The following CDC14B variants were observed in gnomAD, a reference collection of about 807,000 sequenced individuals.
CDC14B encodes cell division cycle 14B.
Under a neutral mutation model 64.2 loss-of-function variants are expected in CDC14B, and 22 were observed. That is an observed-to-expected ratio of 0.34 (90% confidence interval 0.24 to 0.49). The LOEUF is 0.49. CDC14B is among the 20% of genes least tolerant of loss of function. The probability of loss-of-function intolerance (pLI) is 0.99; values close to 1 mark genes in which losing one functional copy is unlikely to be tolerated. For synonymous variants in CDC14B, 191 were observed against 215.8 expected (o/e 0.89, Z 1.01); for missense variants, 498 against 629.9 (o/e 0.79, Z 2.24).
intron 12 of CDC14B, among the ~76,000 whole-genome samples, chr9:96,513,709 C>T (rs1835226389): frequency 6.6e-6 from 1 of 152,220 alleles, no homozygotes; most frequent in Non-Finnish European, 1.5e-5. Context: ...ACTATGTATA[C>T]TGGCTGTCCA....
intron 4 of CDC14B, among the ~76,000 whole-genome samples, chr9:96,554,937 C>T (rs1402140796): frequency 1.3e-5 from 2 of 152,208 alleles, no homozygotes; most frequent in African/African-American, 4.8e-5. Context: ...TATGATCTAT[C>T]ACCGTGCTTC....
chr9:96,558,540 ACTT>A (rs889957046), intron 4 of CDC14B, among the ~76,000 whole-genome samples: 2 of 152,178 alleles, frequency 1.3e-5, no homozygotes, highest in African/African-American at 4.8e-5. Context: ...AAATATAAAA[ACTT>A]CTTTTTAAAA....
Position 96,619,314 on chromosome 9 carries a change from G to T in CDC14B, c.65C>A (p.Ser22Ter). 7.7e-7 allele frequency: 1 copy of T among 1,305,916 alleles called. No homozygotes were observed. The highest frequency in any genetic ancestry group is 9.8e-7 in the Non-Finnish European group (1 of 1,024,138). 80.9% of individuals were successfully genotyped at this position (1,305,916 alleles called of 1,614,324 possible). A position where few individuals can be genotyped will look rare whatever the true frequency, so the allele number is the denominator to read the frequency against. ...AAAPPCSRRCSSTSPGVKKIR... is the reference protein window; with the variant it reads ...AAAPPCSRRC ...CTTCTTCACACCCGGCGAGGTCGAC[G>T]AGCAGCGCCGCGAGCAGGGGGGCGC... The change falls in exon 1 of 14, where the codon TCG becomes TAG. Residue 22 changes from serine (S) to a stop codon, truncating the protein, a stop_gained. Coordinates refer to ENST00000375241, the MANE Select transcript of CDC14B (RefSeq NM_033331.4). LOFTEE classifies it high-confidence loss of function.
chr9:96,493,345 T>C, intron 13 of CDC14B: 1 of 152,436 alleles, frequency 6.6e-6, no homozygotes, highest in Non-Finnish European at 1.5e-5. Flanking sequence ...GTGAACAGCC[T>C]TCCCTGAACC....
At chr9:96,523,156 C>T in intron 11 of CDC14B, 105 bp downstream of exon 11, 1 of 1,231,980 alleles carries the variant, frequency 8.1e-7, no homozygotes, top group Non-Finnish European at 1.1e-6. Flanking sequence ...TGACAATCAT[C>T]CAAGAGCTGC....
chr9:96,499,180 T>G (rs1198928799), downstream of CDC14B, among the ~76,000 whole-genome samples: 1 of 152,080 alleles, frequency 6.6e-6, no homozygotes, highest in East Asian at 1.9e-4. Context: ...AAATGAACAC[T>G]CTGGGGGGTC....
Position 96,550,935 on chromosome 9 carries a change from C to T in CDC14B, c.497+861G>A, listed in dbSNP as rs149223327. ...AGTGGTACTGCATTAGCAACCTTAT[C>T]GACTGTCTCTACTGACTGTGTCCCC... On this transcript the variant is annotated intron_variant, in intron 5 of 13. Transcript: ENST00000375241. Among the ~76,000 whole-genome samples the T allele has an allele frequency of 4.9e-3, 744 of 152,156 alleles. 3 individuals are homozygous for T. The highest frequency in any genetic ancestry group is 0.019 in the South Asian group (91 of 4,820).
At chr9:96,497,225 C>T (rs962277360), downstream of CDC14B, among the ~76,000 whole-genome samples, 4 of 152,176 alleles carry the variant, frequency 2.6e-5, no homozygotes, top group African/African-American at 7.2e-5. Context: ...ACCCAGCACG[C>T]GTCGTCCAGA....
intron 1 of CDC14B, among the ~76,000 whole-genome samples, chr9:96,600,891 A>T (rs973461018): frequency 3.9e-5 from 6 of 152,288 alleles, no homozygotes; most frequent in African/African-American, 1.4e-4. Context: ...TTCTCTACCC[A>T]ATGTTATGCA....
Position 96,533,959 on chromosome 9 carries a change from T to G in CDC14B, c.914A>C (p.Asn305Thr). ...ATGTACTGCAATGGCACCCTCAGCA[T>G]TTTCACAGATATCTAGGAATTCTTT... Reference protein sequence around the residue: ...IVKEFLDICENAEGAIAVHCK... With the variant: ...IVKEFLDICETAEGAIAVHCK... Residue 305 changes from asparagine to threonine, a missense_variant, in exon 9 of 14, where the codon AAT becomes ACT. By Grantham distance (65) the Asn-to-Thr change is moderately conservative. Coordinates refer to ENST00000375241, the MANE Select transcript of CDC14B (RefSeq NM_033331.4). The G allele has an allele frequency of 6.2e-7, 1 of 1,612,740 alleles. No individual in the cohort carries two copies. The highest frequency in any genetic ancestry group is 1.3e-5 in the African/African-American group (1 of 75,056).
rs577337652 is a variant in CDC14B at position 96,500,154 on chromosome 9, T to C, written c.*3599A>G. On this transcript the variant is annotated 3_prime_UTR_variant, in exon 14 of 14. Coordinates refer to ENST00000375241, the MANE Select transcript of CDC14B (RefSeq NM_033331.4). ...AATTACATGATTGTAATTATACAATTTCCACTATTCGATATTTTGTATAAA... is the reference window on the plus strand; with the variant it reads ...AATTACATGATTGTAATTATACAATCTCCACTATTCGATATTTTGTATAAA... 8 of 152,786 alleles carry C rather than the reference T, an allele frequency of 5.2e-5. No individual in the cohort carries two copies. The highest frequency in any genetic ancestry group is 1.9e-4 in the African/African-American group (8 of 41,588). 9.5% of individuals were successfully genotyped at this position (152,786 alleles called of 1,614,324 possible).
intron 4 of CDC14B, among the ~76,000 whole-genome samples, chr9:96,560,449 C>CA (rs1338124477): frequency 6.6e-6 from 1 of 152,120 alleles, no homozygotes; most frequent in Non-Finnish European, 1.5e-5. Flanking sequence ...ATAAAGTTGT[C>CA]ATGATTTATG....
At chr9:96,506,061 G>A (rs1020298410) in intron 13 of CDC14B, among the ~76,000 whole-genome samples, 2 of 152,160 alleles carry the variant, frequency 1.3e-5, no homozygotes, top group South Asian at 4.1e-4. Context: ...CTTCATCCTG[G>A]ATGCCAAGGA....
chr9:96,596,292 G>A (rs1174523012), intron 1 of CDC14B, among the ~76,000 whole-genome samples: 2 of 150,052 alleles, frequency 1.3e-5, no homozygotes, highest in Non-Finnish European at 2.9e-5. Context: ...AACCCGGGAG[G>A]CAGAGGTCAT....
intron 12 of CDC14B, among the ~76,000 whole-genome samples, chr9:96,519,160 T>C (rs1402887081): frequency 1.3e-5 from 2 of 151,884 alleles, no homozygotes; most frequent in Non-Finnish European, 2.9e-5. Flanking sequence ...AAAATAAAAA[T>C]AAAAAAAGAA....
intron 9 of CDC14B, among the ~76,000 whole-genome samples, chr9:96,527,200 C>A (rs1228427892): frequency 6.6e-6 from 1 of 151,850 alleles, no homozygotes; most frequent in Non-Finnish European, 1.5e-5. Context: ...GAGATCAAGA[C>A]CATCCTGGCT....
chr9:96,494,748 TCC>T (rs1833175098), intron 13 of CDC14B, among the ~76,000 whole-genome samples: 1 of 140,106 alleles, frequency 7.1e-6, no homozygotes, highest in Non-Finnish European at 1.6e-5. Flanking sequence ...TTCCTTTTCT[TCC>T]TCCCCTCCCC....
At chr9:96,546,948 G>A (rs1420880489) in intron 5 of CDC14B, among the ~76,000 whole-genome samples, 1 of 152,040 alleles carries the variant, frequency 6.6e-6, no homozygotes, top group East Asian at 2.0e-4. Flanking sequence ...TGTAGTCCCA[G>A]CTACTTGGGA....
In CDC14B at chr9:96,576,632, C is replaced by CA. The variant is rs11304216; in HGVS notation, c.161-11150dup. Among the ~76,000 whole-genome samples, 383 of 81,364 alleles carry CA rather than the reference C, an allele frequency of 4.7e-3. 2 individuals carry two copies. The highest frequency in any genetic ancestry group is 5.4e-3 in the Non-Finnish European group (217 of 40,188). 53.4% of individuals were successfully genotyped at this position (81,364 alleles called of 152,430 possible). ...AGGGCGACAGAGCGAGACTCCATCT[C>CA]AAAAAAAAAAAAAAAAAAAAAGATA... On this transcript the variant is annotated intron_variant, in intron 1 of 13. Transcript: ENST00000375241.
Sources: allele counts gnomAD v4.1 joint callset (sites outside exome capture counted in the v4.1 genomes callset), GRCh38; gene constraint gnomAD v4.1.1; transcripts MANE v1.5; gene names NCBI Gene and HGNC (gene_info 2026-07-23, HGNC 2026-07-21).